Variants in KCNIP1 observed in about 807,000 individuals in gnomAD.
KCNIP1 encodes A-type potassium channel modulatory protein KCNIP1.
Under a neutral mutation model 33.0 loss-of-function variants are expected in KCNIP1, and 18 were observed. That is an observed-to-expected ratio of 0.55 (90% CI 0.38 to 0.81). The LOEUF (loss-of-function observed/expected upper bound fraction) is 0.81, where lower values mean the gene tolerates loss of function less well. Among genes scored for constraint, KCNIP1 ranks in the 30% least tolerant of loss-of-function variants. The pLI is 0.00. For synonymous variants in KCNIP1, 93 were observed against 98.3 expected (o/e 0.95, Z 0.32); for missense variants, 238 against 271.6 (o/e 0.88, Z 0.87).
chr5:170,644,835 G>A (rs1760723328), intron 1 of KCNIP1, among the ~76,000 whole-genome samples: 1 of 152,306 alleles, frequency 6.6e-6, no homozygotes, highest in African/African-American at 2.4e-5. Context: ...AGCTGAGATG[G>A]GCAACTCTCA....
intron 1 of KCNIP1, among the ~76,000 whole-genome samples, chr5:170,664,148 ACT>A (rs1761610095): frequency 6.6e-6 from 1 of 150,426 alleles, no homozygotes; most frequent in Non-Finnish European, 1.5e-5. Context: ...CTCCCCCTAC[ACT>A]CTGTGTTCTG....
At chr5:170,623,020 G>A (rs1183423345) in intron 1 of KCNIP1, among the ~76,000 whole-genome samples, 1 of 152,228 alleles carries the variant, frequency 6.6e-6, no homozygotes, top group African/African-American at 2.4e-5. Context: ...CATAAGGAGT[G>A]AGCAACCTAG....
intron 1 of KCNIP1, among the ~76,000 whole-genome samples, chr5:170,592,533 C>T (rs1758297938): frequency 1.4e-5 from 2 of 141,188 alleles, no homozygotes; most frequent in Non-Finnish European, 1.5e-5. Context: ...TGTTGATTTA[C>T]TTATCTGCTC....
intron 1 of KCNIP1, among the ~76,000 whole-genome samples, chr5:170,452,314 T>C (rs17564179): frequency 0.42 from 64,416 of 152,012 alleles, 13,672 homozygotes; most frequent in Non-Finnish European, 0.44. Context: ...ATTGGCAACG[T>C]TGAAGTCAAG....
intron 1 of KCNIP1, among the ~76,000 whole-genome samples, chr5:170,570,308 A>G (rs927850734): frequency 1.3e-5 from 2 of 152,204 alleles, no homozygotes; most frequent in Non-Finnish European, 1.5e-5. Flanking sequence ...TGCTTTTCAT[A>G]ATAATCATCT....
intron 1 of KCNIP1, among the ~76,000 whole-genome samples, chr5:170,673,541 T>C (rs1762003795): frequency 6.6e-6 from 1 of 152,230 alleles, no homozygotes; most frequent in South Asian, 2.1e-4. Context: ...GAATAACCAC[T>C]CTGGGACCTA....
intron 1 of KCNIP1, among the ~76,000 whole-genome samples, chr5:170,426,274 A>ACACACACACACACACACAC (rs371118514): frequency 3.5e-5 from 2 of 56,710 alleles, no homozygotes; most frequent in Admixed American, 1.8e-4. Context: ...CACACACACA[A>ACACACACACACACACACAC]ACACACACAC....
At chr5:170,636,980 A>G (rs1760309379) in intron 1 of KCNIP1, among the ~76,000 whole-genome samples, 1 of 152,146 alleles carries the variant, frequency 6.6e-6, no homozygotes, top group South Asian at 2.1e-4. Flanking sequence ...CTCCAAGTCC[A>G]CAGTGGGTTG....
intron 1 of KCNIP1, among the ~76,000 whole-genome samples, chr5:170,664,022 C>A (rs1202555066): frequency 6.6e-6 from 1 of 152,104 alleles, no homozygotes; most frequent in African/African-American, 2.4e-5. Context: ...CAAATTTGAC[C>A]ATGCCACTTT....
rs1427529739 is a variant in KCNIP1 at position 170,577,634 on chromosome 5, CTAAG to C, written c.61+73005_61+73008del. 6.6e-5 allele frequency among the ~76,000 whole-genome samples: 10 copies of C among 152,268 alleles called. No individual in the cohort carries two copies. In the East Asian group the frequency reaches 1.9e-3, roughly 29 times the overall value. ...AAGAAACAGTGTTTTCTCAGGTGCT[CTAAG>C]TAATTCTGTTAATGAATTTTCGGAG... On this transcript the variant is annotated intron_variant, in intron 1 of 7. Coordinates refer to ENST00000328939, the MANE Select transcript of KCNIP1 (RefSeq NM_014592.4).
At chr5:170,500,128 C>T (rs1156245440), upstream of KCNIP1, among the ~76,000 whole-genome samples, 1 of 152,142 alleles carries the variant, frequency 6.6e-6, no homozygotes, top group Non-Finnish European at 1.5e-5. Context: ...CTGCCTTTTC[C>T]CTGTGTGCTC....
At chr5:170,444,617 C>T (rs919667024) in intron 1 of KCNIP1, among the ~76,000 whole-genome samples, 1 of 151,980 alleles carries the variant, frequency 6.6e-6, no homozygotes, top group African/African-American at 2.4e-5. Flanking sequence ...CTTGTCCCAA[C>T]CCCTACAAAA....
At chr5:170,436,457 G>A (rs1246643975) in intron 1 of KCNIP1, among the ~76,000 whole-genome samples, 2 of 152,172 alleles carry the variant, frequency 1.3e-5, no homozygotes, top group Non-Finnish European at 2.9e-5. Context: ...GAATGAAGGC[G>A]ATCGCCCATC....
At chr5:170,382,650 CCTTT>C (rs1206306738) in intron 1 of KCNIP1, 4 of 150,238 alleles carry the variant, frequency 2.7e-5, no homozygotes, top group Admixed American at 2.0e-4. Context: ...AATCCAAGAG[CCTTT>C]CTTTTTTTTT....
chr5:170,383,877 T>A, intron 1 of KCNIP1: 1 of 1,610,668 alleles, frequency 6.2e-7, no homozygotes, highest in Non-Finnish European at 8.5e-7. Flanking sequence ...CATGCACACA[T>A]ACACATCTCA....
chr5:170,360,096 A>G (rs988970651), intron 1 of KCNIP1, among the ~76,000 whole-genome samples: 1 of 152,186 alleles, frequency 6.6e-6, no homozygotes, highest in Non-Finnish European at 1.5e-5. Context: ...GGATCTAGTC[A>G]GGTCTTCATC....
intron 1 of KCNIP1, among the ~76,000 whole-genome samples, chr5:170,460,799 T>C (rs1225714657): frequency 6.6e-6 from 1 of 152,152 alleles, no homozygotes; most frequent in Non-Finnish European, 1.5e-5. Context: ...ATGGAAGTCC[T>C]AGCCAGAGCA....
intron 1 of KCNIP1, among the ~76,000 whole-genome samples, chr5:170,661,352 C>T (rs1253217086): frequency 6.6e-6 from 1 of 152,216 alleles, no homozygotes; most frequent in African/African-American, 2.4e-5. Context: ...ACATCCATCA[C>T]AATTTCCTGT....
intron 1 of KCNIP1, chr5:170,678,826 G>A (rs913918359): frequency 3.9e-5 from 6 of 152,492 alleles, no homozygotes; most frequent in African/African-American, 1.4e-4. Flanking sequence ...TTATAAGGCA[G>A]AGAGTTGTTG....
Sources: allele counts gnomAD v4.1 joint callset (sites outside exome capture counted in the v4.1 genomes callset), GRCh38; gene constraint gnomAD v4.1.1; transcripts MANE v1.5; gene names NCBI Gene and HGNC (gene_info 2026-07-23, HGNC 2026-07-21).